The following ATXN7 variants were observed in gnomAD, a reference collection of about 807,000 sequenced individuals.
ATXN7 encodes ataxin-7.
Under a neutral mutation model 70.5 loss-of-function variants are expected in ATXN7, and 12 were observed. The observed-to-expected ratio is 0.17, with a 90% CI of 0.11 to 0.28. The LOEUF (loss-of-function observed/expected upper bound fraction) is 0.28, where lower values mean the gene tolerates loss of function less well. Among genes scored for constraint, ATXN7 ranks in the 10% least tolerant of loss-of-function variants. The pLI is 1.00. For missense variants in ATXN7, 1,256 were observed against 1,131.7 expected, an observed-to-expected ratio of 1.11 and a Z score of -1.58; for synonymous variants, 498 against 448.7, an observed-to-expected ratio of 1.11 and a Z score of -1.39.
At position 64,002,319 on chromosome 3, in the gene ATXN7, A is replaced by G. The variant is rs2075841535; in HGVS notation, c.*2852A>G. ...TAGAACCTGCCTCCTTTACAGTTTT[A>G]AGGGATGCCTCTGTTCTGTGAAAAG... is the stretch of plus-strand genomic sequence containing the variant. On this transcript the variant is annotated 3_prime_UTR_variant, in exon 13 of 13. Transcript: ENST00000674280. The G allele has an allele frequency of 6.6e-6, 1 of 152,490 alleles. No homozygotes were observed. The highest frequency in any genetic ancestry group is 1.5e-5 in the Non-Finnish European group (1 of 68,020). The allele number at this position is 152,490 out of a possible 1,614,324, so 9.4% of individuals were successfully genotyped here.
chr3:63,863,951 GCGCCGCCGCCGC>G lies in ATXN7; in HGVS notation c.-302_-291del, dbSNP rs1161401026. Reference sequence around the variant, plus strand: ...TCCGACGCCTGAGCCGCGCCGCGCCGCGCCGCCGCCGCCGCCGCCGCCGCCGCGGGACCCGCG... The same window carrying G: ...TCCGACGCCTGAGCCGCGCCGCGCCGCGCCGCCGCCGCCGCGGGACCCGCG... On this transcript the variant is annotated 5_prime_UTR_variant, in exon 1 of 13. Transcript: ENST00000674280. The G allele has an allele frequency of 1.1e-4, 9 of 81,296 alleles. 1 individual carries two copies. In the East Asian group the frequency reaches 6.3e-3, roughly 57 times the overall value. 5.0% of individuals were successfully genotyped at this position (81,296 alleles called of 1,614,324 possible). A position where few individuals can be genotyped will look rare whatever the true frequency, so the allele number is the denominator to read the frequency against.
At chr3:63,955,946 TC>T (rs1252279713) in intron 5 of ATXN7, among the ~76,000 whole-genome samples, 1 of 152,214 alleles carries the variant, frequency 6.6e-6, no homozygotes, top group Non-Finnish European at 1.5e-5. Context: ...GTAAAACTAT[TC>T]TGAATTGGTG....
At chr3:63,934,602 G>C (rs1272167220) in intron 4 of ATXN7, among the ~76,000 whole-genome samples, 2 of 152,148 alleles carry the variant, frequency 1.3e-5, no homozygotes, top group African/African-American at 4.8e-5. Context: ...CTTCCTCTCT[G>C]AGTTCCTGTA....
intron 2 of ATXN7, among the ~76,000 whole-genome samples, chr3:63,906,841 C>T (rs1021626529): frequency 2.0e-5 from 3 of 152,176 alleles, no homozygotes; most frequent in Admixed American, 2.0e-4. Flanking sequence ...CCATAGACTA[C>T]CTGCAGGAGG....
Position 63,873,486 on chromosome 3 carries a change from C to A in ATXN7, c.-111+9328C>A, listed in dbSNP as rs1156304649. Among the ~76,000 whole-genome samples, 5 of 152,226 alleles carry A rather than the reference C, an allele frequency of 3.3e-5. No individual in the cohort carries two copies. The East Asian group carries it at 5.8e-4, about 18-fold the overall frequency. ...GGCCCATACTGGGTCCCAGCAGGTG[C>A]CTTGGTTATTGCCTCACTCAGCCAG... is the stretch of plus-strand genomic sequence containing the variant. On this transcript the variant is annotated intron_variant, in intron 1 of 12. Transcript: ENST00000674280.
At chr3:63,917,305 G>C (rs1704320382) in intron 4 of ATXN7, among the ~76,000 whole-genome samples, 1 of 152,112 alleles carries the variant, frequency 6.6e-6, no homozygotes, top group Non-Finnish European at 1.5e-5. Flanking sequence ...ACAAATTACT[G>C]CTTTTTCCCC....
intron 10 of ATXN7, 124 bp from the exon 11 acceptor site, chr3:63,990,614 A>G (rs2075654918): frequency 1.4e-6 from 2 of 1,443,096 alleles, no homozygotes; most frequent in East Asian, 2.3e-5. Context: ...CATGCTTCAC[A>G]GCCTCCGGTA....
intron 1 of ATXN7, among the ~76,000 whole-genome samples, chr3:63,892,976 T>C (rs1177728184): frequency 6.6e-6 from 1 of 151,922 alleles, no homozygotes; most frequent in Non-Finnish European, 1.5e-5. Flanking sequence ...GAGAAACAGG[T>C]GGGAATTGTG....
At chr3:63,981,998 A>AC (rs1402765279) in intron 6 of ATXN7, among the ~76,000 whole-genome samples, 188 bp from the exon 7 acceptor site, 2 of 152,192 alleles carry the variant, frequency 1.3e-5, no homozygotes, top group Non-Finnish European at 2.9e-5. Flanking sequence ...GTTTTGCCTC[A>AC]CCAGAAGGGC....
chr3:63,921,278 T>A (rs1231659109), intron 4 of ATXN7, among the ~76,000 whole-genome samples: 1 of 152,226 alleles, frequency 6.6e-6, no homozygotes, highest in Non-Finnish European at 1.5e-5. Context: ...CCTCCCAGGT[T>A]ATACAGATGT....
At chr3:63,973,813 C>T (rs2075352350) in intron 5 of ATXN7, among the ~76,000 whole-genome samples, 1 of 151,908 alleles carries the variant, frequency 6.6e-6, no homozygotes, top group Non-Finnish European at 1.5e-5. Flanking sequence ...TTCTGGGGCC[C>T]TTTATGGACT....
chr3:63,930,521 C>T (rs1704908604), intron 4 of ATXN7, among the ~76,000 whole-genome samples: 1 of 146,930 alleles, frequency 6.8e-6, no homozygotes, highest in African/African-American at 2.6e-5. Context: ...TTTCAAATCC[C>T]AGAGTTTACA....
At chr3:63,991,118 G>A in intron 11 of ATXN7, 1 of 458,636 alleles carries the variant, frequency 2.2e-6, no homozygotes. Flanking sequence ...TTGGGTAAGG[G>A]GAGAAAAAAA....
At chr3:63,971,609 A>G (rs1216189214) in intron 5 of ATXN7, among the ~76,000 whole-genome samples, 1 of 152,210 alleles carries the variant, frequency 6.6e-6, no homozygotes, top group African/African-American at 2.4e-5. Flanking sequence ...GTTCATGTGT[A>G]GTCCATGGTG....
At chr3:63,898,041 C>CTG (rs1429892201) in intron 1 of ATXN7, among the ~76,000 whole-genome samples, 77 of 152,134 alleles carry the variant, frequency 5.1e-4, no homozygotes, top group Non-Finnish European at 1.2e-4. Context: ...TTTTTAAAAT[C>CTG]TGTGATTTGA....
upstream of ATXN7, chr3:63,863,661 AGAGGCCGGG>A (rs1702297991): frequency 8.2e-7 from 1 of 1,222,940 alleles, no homozygotes; most frequent in Non-Finnish European, 1.0e-6. Context: ...GCTCTGGCGA[AGAGGCCGGG>A]GAGGCCGAGG....
chr3:63,997,778 C>A, intron 12 of ATXN7: 1 of 1,505,440 alleles, frequency 6.6e-7, no homozygotes, highest in Non-Finnish European at 8.9e-7. Context: ...TCAGAAAATA[C>A]CAAGAAGTTT....
chr3:63,969,150 G>A (rs747862986), intron 5 of ATXN7, among the ~76,000 whole-genome samples: 5 of 152,108 alleles, frequency 3.3e-5, no homozygotes, highest in Non-Finnish European at 7.4e-5. Context: ...TGAAAACATT[G>A]GCATTCCTGG....
chr3:63,922,680 TG>T (rs1704556046), intron 4 of ATXN7, among the ~76,000 whole-genome samples: 1 of 152,092 alleles, frequency 6.6e-6, no homozygotes, highest in Non-Finnish European at 1.5e-5. Context: ...GTGATAGTCA[TG>T]GGGGTTTTCT....
Sources: gnomAD v4.1 joint callset for allele counts (sites outside exome capture counted in the v4.1 genomes callset) on GRCh38, gnomAD v4.1.1 for gene constraint, MANE v1.5 for transcripts, NCBI Gene and HGNC (gene_info 2026-07-23, HGNC 2026-07-21) for gene names.